PSMB5: variants seen among roughly 807,000 people sequenced by gnomAD.
PSMB5 encodes proteasome 20S subunit beta 5, also known as proteasome subunit beta type-5.
PSMB5 carries 2 observed loss-of-function variants against 22.8 expected under a neutral mutation model. The ratio of observed to expected loss-of-function variants is 0.09; its 90% CI spans 0.04 to 0.28. The LOEUF (loss-of-function observed/expected upper bound fraction) is 0.28. Among genes scored for constraint, PSMB5 ranks in the 10% least tolerant of loss-of-function variants. The pLI is 1.00. For synonymous variants in PSMB5, 133 were observed against 135.3 expected, an observed-to-expected ratio of 0.98 and a Z score of 0.12; for missense variants, 269 against 343.8, an observed-to-expected ratio of 0.78 and a Z score of 1.72.
chr14:23,034,125 CAAA>C (rs56294105), intron 1 of PSMB5, among the ~76,000 whole-genome samples: 2 of 93,616 alleles, frequency 2.1e-5, no homozygotes, highest in Non-Finnish European at 2.4e-5. Flanking sequence ...AGCCCTGTTT[CAAA>C]AAAAAAAAAA....
intron 1 of PSMB5, 45 bp from the exon 2 acceptor site, chr14:23,033,719 C>T: frequency 1.3e-6 from 2 of 1,537,046 alleles, no homozygotes; most frequent in Non-Finnish European, 1.8e-6. Flanking sequence ...CATAAGACCA[C>T]AAAAACACTC....
intron 2 of PSMB5, among the ~76,000 whole-genome samples, chr14:23,030,789 G>A (rs1273443793): frequency 1.3e-5 from 2 of 152,056 alleles, no homozygotes; most frequent in African/African-American, 4.8e-5. Context: ...TAGCTGGCAG[G>A]GTGGCGGGTG....
intron 2 of PSMB5, chr14:23,027,811 A>C (rs1457273867): frequency 6.5e-7 from 1 of 1,546,946 alleles, no homozygotes; most frequent in East Asian, 2.5e-5. Flanking sequence ...CTTAGGTTTC[A>C]AGCACAGAAC....
rs746718225 is a variant in PSMB5 at position 23,026,180 on chromosome 14, T to G, written c.701A>C (p.Asn234Thr). 1.2e-6 allele frequency: 2 copies of G among 1,613,994 alleles called. No homozygotes were observed. The highest frequency in any genetic ancestry group is 1.7e-5 in the Admixed American group (1 of 59,994). ...GCCATCCTCCCGCACGTGGTAGAGG[T>G]TGACTGCACCTCCTGAGTAGGCATC... The part of the protein sequence containing the change: ...YRDAYSGGAV[N>T]LYHVREDGWI... Residue 234 changes from asparagine (N) to threonine (T), a missense_variant, in exon 3 of 3, where the codon AAC (asparagine) becomes ACC (threonine). Physicochemically the swap from Asn to Thr is moderately conservative, Grantham distance 65. This residue lies in a region of PSMB5 where 113 missense variants were observed against 130.2 expected (regional missense o/e 0.87). Coordinates refer to ENST00000361611, the MANE Select transcript of PSMB5 (RefSeq NM_002797.5).
intron 1 of PSMB5, 185 bp downstream of exon 1, chr14:23,034,499 C>T: frequency 4.3e-6 from 3 of 697,402 alleles, no homozygotes; most frequent in Non-Finnish European, 7.0e-6. Flanking sequence ...GCCACCCTTT[C>T]CAACCAGAGC....
intron 2 of PSMB5, among the ~76,000 whole-genome samples, chr14:23,031,494 A>G (rs1445459130): frequency 6.6e-6 from 1 of 152,238 alleles, no homozygotes; most frequent in Admixed American, 6.5e-5. Flanking sequence ...TTGTTCTATA[A>G]GATAACTAGG....
chr14:23,034,820 A>G lies in PSMB5; in HGVS notation c.62T>C (p.Leu21Pro), dbSNP rs1254574790. 1.2e-6 allele frequency: 2 copies of G among 1,614,118 alleles called. No homozygotes were observed. Among genetic ancestry groups the G allele is most frequent in the South Asian group, 1.1e-5 (1 of 91,092 alleles). The change falls in exon 1 of 3, where the codon CTT (leucine) becomes CCT (proline). Residue 21 changes from leucine (L) to proline (P), a missense_variant. Coordinates refer to ENST00000361611, the MANE Select transcript of PSMB5 (RefSeq NM_002797.5). ...LPVNQRGFFG[L>P]GGRADLLDLG... Reference sequence around the variant, plus strand: ...ATCCAGCAGATCTGCACGACCCCCAAGTCCGAAAAACCCGCGCTGGTTCAC... The same window carrying G: ...ATCCAGCAGATCTGCACGACCCCCAGGTCCGAAAAACCCGCGCTGGTTCAC...
chr14:23,032,681 C>T (rs2046961801), intron 2 of PSMB5, among the ~76,000 whole-genome samples: 1 of 149,958 alleles, frequency 6.7e-6, no homozygotes. Context: ...TCACTGCAAG[C>T]TCCGCCTCCT....
In PSMB5 at chr14:23,026,309, G is replaced by C. The variant is rs778741331; in HGVS notation, c.572C>G (p.Ser191Cys). Residue 191 changes from serine (S) to cysteine (C), a missense_variant, in exon 3 of 3, where the codon TCT (serine) becomes TGT (cysteine). By Grantham distance (112) the Ser-to-Cys change is moderately radical. Transcript: ENST00000361611. ...SGATFSVGSG[S>C]VYAYGVMDRG... Reference sequence around the variant, plus strand: ...ATCCATGACCCCATATGCATACACAGAGCCAGAACCTACAGAGAAGGTGGC... The same window carrying C: ...ATCCATGACCCCATATGCATACACACAGCCAGAACCTACAGAGAAGGTGGC... 4 of 1,613,740 alleles carry C rather than the reference G, an allele frequency of 2.5e-6. No individual in the cohort carries two copies. In the Admixed American group the frequency reaches 6.7e-5, roughly 27 times the overall value.
At chr14:23,034,535 G>A in intron 1 of PSMB5, 149 bp downstream of exon 1, 1 of 911,702 alleles carries the variant, frequency 1.1e-6, no homozygotes, top group Non-Finnish European at 1.6e-6. Flanking sequence ...CTGGGCCAAT[G>A]AGACAGCAAA....
At position 23,033,395 on chromosome 14, in the gene PSMB5, T is replaced by G; in HGVS notation, c.478A>C (p.Ile160Leu). 6.2e-7 allele frequency: 1 copy of G among 1,611,646 alleles called. No homozygotes were observed. The highest frequency in any genetic ancestry group is 8.5e-7 in the Non-Finnish European group (1 of 1,177,958). Residue 160 changes from isoleucine to leucine, a missense_variant, in exon 2 of 3, where the codon ATC becomes CTC. Ile to Leu is a conservative substitution (Grantham distance 5). This residue lies in a region of PSMB5 where 75 missense variants were observed against 143.2 expected (regional missense o/e 0.52). Coordinates refer to ENST00000361611, the MANE Select transcript of PSMB5 (RefSeq NM_002797.5). The part of the protein sequence containing the change: ...KGMGLSMGTM[I>L]CGWDKRGPGL... ...GGGCCTCTCTTATCCCAGCCACAGA[T>G]CATGGTGCCCATGGACAGCCCCATG...
chr14:23,027,708 C>T (rs1212990186), intron 2 of PSMB5: 1 of 1,424,272 alleles, frequency 7.0e-7, no homozygotes, highest in Admixed American at 2.0e-5. Flanking sequence ...GATTCTACAA[C>T]ATACCACCCC....
chr14:23,034,806 C>A lies in PSMB5; in HGVS notation c.76G>T (p.Asp26Tyr). ...CTCCCTGGACCTAGATCCAGCAGAT[C>A]TGCACGACCCCCAAGTCCGAAAAAC... ...RGFFGLGGRA[D>Y]LLDLGPGSLS... is the part of the protein sequence containing the mutation. The change falls in exon 1 of 3, where the codon GAT becomes TAT. Residue 26 changes from aspartate (D) to tyrosine (Y), a missense_variant. Asp to Tyr is a radical substitution (Grantham distance 160). Coordinates refer to ENST00000361611, the MANE Select transcript of PSMB5 (RefSeq NM_002797.5). 1.2e-6 allele frequency: 2 copies of A among 1,614,268 alleles called. No individual in the cohort carries two copies. The highest frequency in any genetic ancestry group is 1.3e-5 in the African/African-American group (1 of 75,078).
Position 23,034,851 on chromosome 14 carries a change from G to C in PSMB5, c.31C>G (p.Leu11Val), listed in dbSNP as rs1258644807. MALASVLERP[L>V]PVNQRGFFGL... ...AAAAACCCGCGCTGGTTCACCGGTA[G>C]CGGTCTCTCCAACACGCTGGCAAGC... Residue 11 changes from leucine (L) to valine (V), a missense_variant, in exon 1 of 3, where the codon CTA becomes GTA. Around this residue, in one of 3 missense-constraint regions of PSMB5, gnomAD observed 81 missense variants for 70.4 expected, o/e 1.15. Coordinates refer to ENST00000361611, the MANE Select transcript of PSMB5 (RefSeq NM_002797.5). 2.5e-6 allele frequency: 4 copies of C among 1,614,126 alleles called. No individual in the cohort carries two copies. Among genetic ancestry groups the C allele is most frequent in the South Asian group, 1.1e-5 (1 of 91,094 alleles).
rs768075884 is a variant in PSMB5, at chr14:23,034,753, C to T, written c.129G>A (p.Ala43=). The T allele has an allele frequency of 1.2e-6, 2 of 1,614,012 alleles. No individual in the cohort carries two copies. Among genetic ancestry groups the T allele is most frequent in the African/African-American group, 1.3e-5 (1 of 74,906 alleles). ...GCTCTTCTGGGACACCCCAGCCTGG[C>T]GCGGCCAGGCTCAGACCATCACTGA... The part of the protein sequence containing the change: ...GSLSDGLSLA[A]PGWGVPEEPG... The change falls in exon 1 of 3, where the codon GCG becomes GCA. Residue 43 remains alanine (A), a synonymous_variant. Coordinates refer to ENST00000361611, the MANE Select transcript of PSMB5 (RefSeq NM_002797.5).
At chr14:23,026,425 T>C (rs774802878) in intron 2 of PSMB5, 50 bp from the exon 3 acceptor site, 1 of 1,575,576 alleles carries the variant, frequency 6.3e-7, no homozygotes, top group South Asian at 1.2e-5. Flanking sequence ...TCACCCCTTT[T>C]GATATCTAAT....
chr14:23,033,526 C>T lies in PSMB5; in HGVS notation c.347G>A (p.Arg116Gln), dbSNP rs1276936164. The change falls in exon 2 of 3, where the codon CGG (arginine) becomes CAG (glutamine). Residue 116 changes from arginine to glutamine, a missense_variant. By Grantham distance (43) the Arg-to-Gln change is conservative. Transcript: ENST00000361611. ...GATTCGACATTGCCGAGCCAACAGC[C>T]GTTCCCAGAAGCTGCAATCCGCTGC... ...GGAADCSFWERLLARQCRIYE... is the reference protein window; with the variant it reads ...GGAADCSFWEQLLARQCRIYE... The T allele has an allele frequency of 1.2e-6, 2 of 1,614,010 alleles. No homozygotes were observed. The highest frequency in any genetic ancestry group is 1.1e-5 in the South Asian group (1 of 91,082).
rs1688189767 is a variant in PSMB5 at position 23,034,840 on chromosome 14, G to A, written c.42C>T (p.Asn14=). ...CCCCAAGTCCGAAAAACCCGCGCTG[G>A]TTCACCGGTAGCGGTCTCTCCAACA... ...ASVLERPLPV[N]QRGFFGLGGR... is the part of the protein sequence containing the mutation. The change falls in exon 1 of 3, where the codon AAC becomes AAT. Residue 14 remains asparagine, a synonymous_variant. Transcript: ENST00000361611. 1.2e-6 allele frequency: 2 copies of A among 1,614,112 alleles called. No homozygotes were observed. The highest frequency in any genetic ancestry group is 2.7e-5 in the African/African-American group (2 of 74,950).
At chr14:23,032,167 G>T (rs1002742888) in intron 2 of PSMB5, among the ~76,000 whole-genome samples, 2 of 152,044 alleles carry the variant, frequency 1.3e-5, no homozygotes, top group East Asian at 3.9e-4. Flanking sequence ...AGAAGAGGCC[G>T]GGTGCAGCGG....
Sources: gnomAD v4.1 joint callset for allele counts (sites outside exome capture counted in the v4.1 genomes callset) on GRCh38, gnomAD v4.1.1 for gene constraint, gnomAD v4.1.1 regional missense constraint, MANE v1.5 for transcripts, NCBI Gene and HGNC (gene_info 2026-07-23, HGNC 2026-07-21) for gene names.